Variants in GFOD1 observed in about 807,000 individuals in gnomAD.
GFOD1 encodes the protein glucose-fructose oxidoreductase domain-containing protein 1.
GFOD1 carries 9 observed loss-of-function variants against 25.4 expected under a neutral mutation model. The ratio of observed to expected loss-of-function variants is 0.35; its 90% CI spans 0.21 to 0.62. The LOEUF (loss-of-function observed/expected upper bound fraction) is 0.62, where lower values mean the gene tolerates loss of function less well. Among genes scored for constraint, GFOD1 ranks in the 20% least tolerant of loss-of-function variants. The pLI is 0.72. For synonymous variants in GFOD1, 253 were observed against 245.6 expected (o/e 1.03, Z -0.28); for missense variants, 403 against 556.9 (o/e 0.72, Z 2.78).
intron 1 of GFOD1, among the ~76,000 whole-genome samples, chr6:13,460,667 G>A (rs1758275568): frequency 7.4e-6 from 1 of 135,306 alleles, no homozygotes; most frequent in African/African-American, 2.6e-5. Flanking sequence ...GCCTGTTGGG[G>A]GTGTGGGGAG....
intron 1 of GFOD1, among the ~76,000 whole-genome samples, chr6:13,442,944 T>C (rs1000329822): frequency 6.6e-6 from 1 of 152,224 alleles, no homozygotes; most frequent in Non-Finnish European, 1.5e-5. Flanking sequence ...CTGCCATAGA[T>C]AGTGATTCCT....
intron 1 of GFOD1, among the ~76,000 whole-genome samples, chr6:13,482,314 AATTTAATAC>A (rs1217745142): frequency 6.7e-6 from 1 of 148,838 alleles, no homozygotes; most frequent in East Asian, 1.9e-4. Flanking sequence ...TTATGTAATA[AATTTAATAC>A]ATTTAATATA....
intron 1 of GFOD1, among the ~76,000 whole-genome samples, chr6:13,425,912 C>T (rs1046559774): frequency 6.6e-6 from 1 of 151,566 alleles, no homozygotes; most frequent in South Asian, 2.1e-4. Flanking sequence ...AAAAGAAACT[C>T]GCAGAAAGAA....
chr6:13,381,424 G>T (rs1332289949), intron 1 of GFOD1, among the ~76,000 whole-genome samples: 2 of 152,218 alleles, frequency 1.3e-5, no homozygotes, highest in Non-Finnish European at 2.9e-5. Context: ...GGCCCTAGAA[G>T]AGGCCAGGAT....
rs1757739123 is a variant in GFOD1 at position 13,430,974 on chromosome 6, A to G, written c.253+55664T>C. The stretch of plus-strand genomic sequence containing the variant: ...CATCTCATTTGATATTCACTGCCAT[A>G]TTTATACATCGGGAAACCGAGGCAT... On this transcript the variant is annotated intron_variant, in intron 1 of 1. Transcript: ENST00000379287. This position sits in a 1 kb window ranked among gnomAD's most constrained non-coding sequence, Gnocchi z 4.1. 6.6e-6 allele frequency among the ~76,000 whole-genome samples: 1 copy of G among 152,236 alleles called. No individual in the cohort carries two copies. The highest frequency in any genetic ancestry group is 1.5e-5 in the Non-Finnish European group (1 of 68,046).
intron 1 of GFOD1, among the ~76,000 whole-genome samples, chr6:13,416,370 G>C (rs1380556416): frequency 7.9e-5 from 12 of 152,198 alleles, no homozygotes; most frequent in Admixed American, 7.9e-4. Flanking sequence ...ATCATTTCAG[G>C]TTGTGAAAAT....
chr6:13,484,482 A>C (rs1758822056), intron 1 of GFOD1, among the ~76,000 whole-genome samples: 1 of 152,224 alleles, frequency 6.6e-6, no homozygotes, highest in Admixed American at 6.5e-5. Flanking sequence ...GCACCCTGCA[A>C]AAGAAGGAGT....
chr6:13,390,785 AAGGAAGGAAGGAAGG>A (rs1562202767), intron 1 of GFOD1, among the ~76,000 whole-genome samples: 11 of 117,652 alleles, frequency 9.3e-5, no homozygotes, highest in Admixed American at 3.3e-4. Flanking sequence ...GAGAGAAAGG[AAGGAAGGAAGGAAGG>A]AAGGAAGGAA....
intron 1 of GFOD1, among the ~76,000 whole-genome samples, chr6:13,402,158 C>A (rs1200286161): frequency 3.9e-5 from 6 of 152,166 alleles, no homozygotes; most frequent in African/African-American, 1.4e-4. Context: ...AAGTTGGAGG[C>A]CTATCTCATG....
intron 1 of GFOD1, among the ~76,000 whole-genome samples, chr6:13,368,945 C>T (rs1363598964): frequency 6.6e-6 from 1 of 152,206 alleles, no homozygotes; most frequent in Non-Finnish European, 1.5e-5. Context: ...ACACACATCC[C>T]TTCAGGCTAT....
chr6:13,426,436 G>C (rs7752876), intron 1 of GFOD1, among the ~76,000 whole-genome samples: 4,623 of 152,330 alleles, frequency 0.03, 241 homozygotes, highest in African/African-American at 0.11. Context: ...CAGTGAAGTG[G>C]AGCTGGACCA....
At chr6:13,373,036 C>G (rs1384338795) in intron 1 of GFOD1, among the ~76,000 whole-genome samples, 1 of 152,198 alleles carries the variant, frequency 6.6e-6, no homozygotes, top group African/African-American at 2.4e-5. Flanking sequence ...CTTTGCATTT[C>G]AAGTAGGGAA....
intron 1 of GFOD1, among the ~76,000 whole-genome samples, chr6:13,389,484 A>G (rs1431615408): frequency 6.6e-6 from 1 of 152,148 alleles, no homozygotes; most frequent in Non-Finnish European, 1.5e-5. Context: ...GAAGCTGGAA[A>G]CCATCATTCT....
At chr6:13,411,176 C>T (rs948453425) in intron 1 of GFOD1, among the ~76,000 whole-genome samples, 2 of 152,214 alleles carry the variant, frequency 1.3e-5, no homozygotes, top group African/African-American at 4.8e-5. Context: ...CAGAGGAGAA[C>T]AGAGAAGCCA....
intron 1 of GFOD1, among the ~76,000 whole-genome samples, chr6:13,424,393 T>A (rs73366960): frequency 6.6e-6 from 1 of 152,070 alleles, no homozygotes; most frequent in Admixed American, 6.5e-5. Flanking sequence ...TCAACGCTTA[T>A]CTTAAATCCT....
intron 1 of GFOD1, among the ~76,000 whole-genome samples, chr6:13,483,270 G>A (rs529060927): frequency 6.6e-6 from 1 of 152,266 alleles, no homozygotes; most frequent in East Asian, 1.9e-4. Flanking sequence ...ATTGAAGGGC[G>A]AACATGGAAG....
intron 1 of GFOD1, among the ~76,000 whole-genome samples, chr6:13,463,909 C>T (rs1758336671): frequency 6.6e-6 from 1 of 152,100 alleles, no homozygotes; most frequent in Non-Finnish European, 1.5e-5. Context: ...TTTCTAGTTC[C>T]ATCTGCTGGA....
intron 1 of GFOD1, among the ~76,000 whole-genome samples, chr6:13,397,476 G>A (rs1054646033): frequency 6.6e-6 from 1 of 152,208 alleles, no homozygotes; most frequent in Admixed American, 6.5e-5. Flanking sequence ...TTCACCTCCA[G>A]GCCCTCTGGC....
chr6:13,406,215 C>T (rs992899740), intron 1 of GFOD1, among the ~76,000 whole-genome samples: 2 of 152,154 alleles, frequency 1.3e-5, no homozygotes, highest in Non-Finnish European at 2.9e-5. Flanking sequence ...GCTCCAGGGA[C>T]GTCACTATAA....
Sources: allele counts gnomAD v4.1 joint callset (sites outside exome capture counted in the v4.1 genomes callset), GRCh38; gene constraint gnomAD v4.1.1; non-coding constraint Gnocchi (gnomAD v3.1); transcripts MANE v1.5; gene names NCBI Gene and HGNC (gene_info 2026-07-23, HGNC 2026-07-21).